The following ALK variants were observed in gnomAD, a reference collection of about 807,000 sequenced individuals.
ALK encodes ALK tyrosine kinase receptor.
In ALK, 74 loss-of-function variants were observed where a neutral mutation model predicts 163.1. That is an observed-to-expected ratio of 0.45 (90% CI 0.38 to 0.55). The LOEUF is 0.55. ALK is among the 20% of genes least tolerant of loss of function. The pLI, the probability that ALK is intolerant of heterozygous loss-of-function variation, is 0.00. For synonymous variants in ALK, 960 were observed against 843.2 expected, an observed-to-expected ratio of 1.14 and a Z score of -2.40; for missense variants, 2,063 against 2,105.3, an observed-to-expected ratio of 0.98 and a Z score of 0.39.
intron 3 of ALK, among the ~76,000 whole-genome samples, chr2:29,658,207 T>C (rs187124034): frequency 6.6e-6 from 1 of 152,290 alleles, no homozygotes; most frequent in African/African-American, 2.4e-5. Flanking sequence ...TGTGTAGCAC[T>C]CAAATGAGAG....
At chr2:29,889,120 T>C (rs1667066982) in intron 1 of ALK, among the ~76,000 whole-genome samples, 1 of 152,336 alleles carries the variant, frequency 6.6e-6, no homozygotes, top group Middle Eastern at 3.4e-3. Context: ...GCTAGATTTA[T>C]ATTAAGCTTT....
intron 1 of ALK, among the ~76,000 whole-genome samples, chr2:29,838,416 C>T (rs1190768083): frequency 6.6e-6 from 1 of 151,946 alleles, no homozygotes; most frequent in Non-Finnish European, 1.5e-5. Flanking sequence ...TCTACCAGGG[C>T]ACATCATAAT....
intron 11 of ALK, among the ~76,000 whole-genome samples, chr2:29,267,025 G>A (rs1665239848): frequency 1.3e-5 from 2 of 152,206 alleles, no homozygotes; most frequent in African/African-American, 4.8e-5. Context: ...ATATGGCACA[G>A]ATGGTGAGAT....
intron 1 of ALK, among the ~76,000 whole-genome samples, chr2:29,798,575 C>A (rs746226642): frequency 1.3e-5 from 2 of 152,220 alleles, no homozygotes; most frequent in Non-Finnish European, 2.9e-5. Flanking sequence ...AGCAAATGTA[C>A]CTTAAAAGGC....
intron 3 of ALK, among the ~76,000 whole-genome samples, chr2:29,554,603 G>A (rs1454541750): frequency 2.6e-5 from 4 of 152,148 alleles, no homozygotes; most frequent in Admixed American, 2.6e-4. Context: ...TGGCAATGTT[G>A]GGCCTATTGT....
At chr2:29,468,901 T>C (rs977905849) in intron 4 of ALK, among the ~76,000 whole-genome samples, 16 of 124,480 alleles carry the variant, frequency 1.3e-4, no homozygotes, top group African/African-American at 4.4e-4. Context: ...ACCAAAGAAC[T>C]ACAGTAACTG....
Position 29,192,934 on chromosome 2 carries a change from C to A in ALK, c.*290G>T. The A allele has an allele frequency of 4.3e-6, 2 of 465,534 alleles. No homozygotes were observed. Among genetic ancestry groups the A allele is most frequent in the Non-Finnish European group, 4.0e-6 (1 of 251,556 alleles). 28.8% of individuals were successfully genotyped at this position (465,534 alleles called of 1,614,324 possible). On this transcript the variant is annotated 3_prime_UTR_variant, in exon 29 of 29. Coordinates refer to ENST00000389048, the MANE Select transcript of ALK (RefSeq NM_004304.5). ...CAGAGCACACACAATTTGAAAGAAG[C>A]ATAAGGAAGTATACAACAAACATGC...
chr2:29,494,466 A>T (rs1481191344), intron 4 of ALK, among the ~76,000 whole-genome samples: 5 of 152,154 alleles, frequency 3.3e-5, no homozygotes, highest in African/African-American at 1.2e-4. Flanking sequence ...TTAAAACAGC[A>T]AACTTTCCCA....
chr2:29,894,853 A>C (rs62129807), intron 1 of ALK, among the ~76,000 whole-genome samples: 495 of 33,384 alleles, frequency 0.015, 5 homozygotes, highest in Middle Eastern at 0.056. Context: ...CACACACACA[A>C]ACACACACAC....
intron 1 of ALK, among the ~76,000 whole-genome samples, chr2:29,723,230 T>C (rs1437661785): frequency 6.6e-6 from 1 of 152,190 alleles, no homozygotes; most frequent in Non-Finnish European, 1.5e-5. Context: ...CAGGTCTCCT[T>C]GCTCTTCCCC....
At chr2:29,371,441 GC>G (rs1668634919) in intron 5 of ALK, among the ~76,000 whole-genome samples, 2 of 152,214 alleles carry the variant, frequency 1.3e-5, no homozygotes, top group East Asian at 3.8e-4. Context: ...GGTGTGAGGA[GC>G]TCTGTCCAGG....
At chr2:29,696,344 T>G (rs184208204) in intron 2 of ALK, among the ~76,000 whole-genome samples, 1 of 151,582 alleles carries the variant, frequency 6.6e-6, no homozygotes, top group Non-Finnish European at 1.5e-5. Flanking sequence ...TGAGAACACA[T>G]GGACACAGGG....
intron 6 of ALK, among the ~76,000 whole-genome samples, chr2:29,324,282 C>T (rs1264816718): frequency 6.6e-6 from 1 of 152,284 alleles, no homozygotes; most frequent in African/African-American, 2.4e-5. Flanking sequence ...AAACTCCAGG[C>T]CAAATGACAC....
chr2:29,235,856 C>CTTTTTTTTTTTTT (rs569363324), intron 13 of ALK, among the ~76,000 whole-genome samples: 1 of 38,252 alleles, frequency 2.6e-5, no homozygotes, highest in African/African-American at 8.5e-5. Context: ...CCAGGCTCGA[C>CTTTTTTTTTTTTT]TTTTTTTTTT....
chr2:29,284,973 A>T (rs541875975), intron 9 of ALK, among the ~76,000 whole-genome samples: 2 of 152,328 alleles, frequency 1.3e-5, no homozygotes, highest in African/African-American at 4.8e-5. Flanking sequence ...CTTATTTGCT[A>T]CCCTGCCAAC....
chr2:29,762,985 G>A (rs946187978), intron 1 of ALK, among the ~76,000 whole-genome samples: 1 of 151,748 alleles, frequency 6.6e-6, no homozygotes, highest in Admixed American at 6.6e-5. Context: ...TACTCAGGAG[G>A]CTGAGGCAGG....
chr2:29,695,957 G>A (rs570683945), intron 2 of ALK, among the ~76,000 whole-genome samples: 15 of 152,314 alleles, frequency 9.8e-5, no homozygotes, highest in South Asian at 2.1e-4. Context: ...ACAGGGTGGC[G>A]ATTCCTCAAG....
intron 9 of ALK, among the ~76,000 whole-genome samples, chr2:29,275,895 A>G (rs1004617214): frequency 2.0e-5 from 3 of 152,142 alleles, no homozygotes; most frequent in Admixed American, 6.5e-5. Flanking sequence ...TGAGTTGGGG[A>G]AAAAAATACC....
At chr2:29,689,365 C>T (rs1678328673) in intron 3 of ALK, among the ~76,000 whole-genome samples, 1 of 152,216 alleles carries the variant, frequency 6.6e-6, no homozygotes, top group South Asian at 2.1e-4. Flanking sequence ...AGAGAATTTT[C>T]CCGCAAAGTC....
Sources: gnomAD v4.1 joint callset for allele counts (sites outside exome capture counted in the v4.1 genomes callset) on GRCh38, gnomAD v4.1.1 for gene constraint, MANE v1.5 for transcripts, NCBI Gene and HGNC (gene_info 2026-07-23, HGNC 2026-07-21) for gene names.